MFSD6: variants seen among roughly 807,000 people sequenced by gnomAD.
MFSD6 encodes major facilitator superfamily domain-containing protein 6.
MFSD6 carries 26 observed loss-of-function variants against 56.3 expected under a neutral mutation model. The ratio of observed to expected loss-of-function variants is 0.46; its 90% confidence interval spans 0.34 to 0.64. The LOEUF (loss-of-function observed/expected upper bound fraction) is 0.64, where lower values mean the gene tolerates loss of function less well. Among genes scored for constraint, MFSD6 ranks in the 30% least tolerant of loss-of-function variants. The probability of loss-of-function intolerance (pLI) is 0.01; values close to 1 mark genes in which losing one functional copy is unlikely to be tolerated. For missense variants in MFSD6, 750 were observed against 986.2 expected (o/e 0.76, Z 3.21); for synonymous variants, 331 against 366.9 (o/e 0.90, Z 1.12).
chr2:190,454,845 T>C lies in MFSD6; in HGVS notation c.1533-14913T>C, dbSNP rs770150790. Among the ~76,000 whole-genome samples the C allele has an allele frequency of 6.6e-6, 1 of 152,120 alleles. No individual in the cohort carries two copies. Among genetic ancestry groups the C allele is most frequent in the African/African-American group, 2.4e-5 (1 of 41,402 alleles). On this transcript the variant is annotated intron_variant, in intron 3 of 7. Coordinates refer to ENST00000392328, the MANE Select transcript of MFSD6 (RefSeq NM_017694.4). This position sits in a 1 kb window ranked among gnomAD's most constrained non-coding sequence, Gnocchi z 4.6. ...CAGAAGACACTAGAATAGGGACCTA[T>C]GGCCTAACATAGTGGGATGATGGTA...
rs1371047531 is a variant in MFSD6, at chr2:190,424,342, TA to T, written c.-54+8930del. 1.3e-5 allele frequency among the ~76,000 whole-genome samples: 2 copies of T among 152,234 alleles called. No individual in the cohort carries two copies. The highest frequency in any genetic ancestry group is 1.9e-4 in the East Asian group (1 of 5,184). On this transcript the variant is annotated intron_variant, in intron 2 of 7. Transcript: ENST00000392328. This position sits in a 1 kb window ranked among gnomAD's most constrained non-coding sequence, Gnocchi z 5.9. ...AAGACTTAGTTTGAGGTTATTTATT[TA>T]TTTTTTTTTCAGACAGAGTTTCACT...
chr2:190,412,709 A>G lies in MFSD6; in HGVS notation c.-175-2583A>G, dbSNP rs1690608707. On this transcript the variant is annotated intron_variant, in intron 1 of 7. Transcript: ENST00000392328. The surrounding 1 kb of genome is among the most constrained non-coding windows in gnomAD (Gnocchi z 4.1). ...GTCTGTTCCCATTTACTCTACTGGC[A>G]TTTTGGGGGTGAGAGGGGCTTGTGT... 1 of 790,648 alleles carries G rather than the reference A, an allele frequency of 1.3e-6. No homozygotes were observed. Among genetic ancestry groups the G allele is most frequent in the Admixed American group, 6.2e-5 (1 of 16,016 alleles). The allele number at this position is 790,648 out of a possible 1,614,324, so 49.0% of individuals were successfully genotyped here.
At position 190,436,736 on chromosome 2, in the gene MFSD6, G is replaced by A. The variant is rs200534301; in HGVS notation, c.707G>A (p.Arg236His). ...LQPQTGEITN[R>H]MMDLTLNSST... ...CCCCAGACAGGTGAAATTACTAACC[G>A]TATGATGGACTTGACTTTGAACTCA... The change falls in exon 3 of 8, where the codon CGT (arginine) becomes CAT (histidine). Residue 236 changes from arginine (R) to histidine (H), a missense_variant. Transcript: ENST00000392328. The surrounding 1 kb of genome is among the most constrained non-coding windows in gnomAD (Gnocchi z 5.3). The A allele has an allele frequency of 9.3e-6, 15 of 1,614,046 alleles. No homozygotes were observed. Among genetic ancestry groups the A allele is most frequent in the Middle Eastern group, 1.6e-4 (1 of 6,084 alleles).
rs375798940 is a variant in MFSD6, at chr2:190,492,302, G to A, written c.1891+2436G>A. On this transcript the variant is annotated intron_variant, in intron 6 of 7. Coordinates refer to ENST00000392328, the MANE Select transcript of MFSD6 (RefSeq NM_017694.4). The surrounding 1 kb of genome is among the most constrained non-coding windows in gnomAD (Gnocchi z 5.2). ...AATACAAGAATCCCAAAGAACACCT[G>A]GGAAATTCATTGCAAAGAGATCATT... Among the ~76,000 whole-genome samples, 109 of 152,270 alleles carry A rather than the reference G, an allele frequency of 7.2e-4. No homozygotes were observed. The highest frequency in any genetic ancestry group is 1.8e-3 in the Admixed American group (27 of 15,302).
At position 190,501,507 on chromosome 2, in the gene MFSD6, CTG is replaced by C. The variant is rs1690023760; in HGVS notation, c.*1291_*1292del. The stretch of plus-strand genomic sequence containing the variant: ...TGGGGGGAGTGTGGAAAAGGGAAAA[CTG>C]TTTTAGCTGAATAAAGGTGAATTAT... On this transcript the variant is annotated 3_prime_UTR_variant, in exon 8 of 8. Transcript: ENST00000392328. The C allele has an allele frequency of 6.6e-6, 1 of 152,094 alleles. No homozygotes were observed. Among genetic ancestry groups the C allele is most frequent in the African/African-American group, 2.4e-5 (1 of 41,406 alleles). The allele number at this position is 152,094 out of a possible 1,614,324, so 9.4% of individuals were successfully genotyped here. A position where few individuals can be genotyped will look rare whatever the true frequency, so the allele number is the denominator to read the frequency against.
At chr2:190,452,015 TGA>T (rs1236946326) in intron 3 of MFSD6, among the ~76,000 whole-genome samples, 65 of 152,202 alleles carry the variant, frequency 4.3e-4, no homozygotes, top group Non-Finnish European at 7.1e-4. Flanking sequence ...AGTCATCAGC[TGA>T]TGATTCATGT....
At position 190,490,076 on chromosome 2, in the gene MFSD6, T is replaced by C. The variant is rs1689245846; in HGVS notation, c.1891+210T>C. On this transcript the variant is annotated intron_variant, in intron 6 of 7. Coordinates refer to ENST00000392328, the MANE Select transcript of MFSD6 (RefSeq NM_017694.4). The surrounding 1 kb of genome is among the most constrained non-coding windows in gnomAD (Gnocchi z 4.5). The stretch of plus-strand genomic sequence containing the variant: ...AATATTGTTTTAAGTAGCTTGGGGT[T>C]TTCTTGTTTTTTGTTTGTTTGTTTT... Among the ~76,000 whole-genome samples the C allele has an allele frequency of 6.8e-6, 1 of 146,674 alleles. No homozygotes were observed.
At chr2:190,477,236 G>T in intron 4 of MFSD6, 2 of 981,382 alleles carry the variant, frequency 2.0e-6, no homozygotes, top group Non-Finnish European at 2.4e-6. Context: ...AACAGGAACT[G>T]CAGGTAAGAA....
intron 3 of MFSD6, among the ~76,000 whole-genome samples, chr2:190,466,903 G>T (rs1049377931): frequency 1.4e-4 from 22 of 152,186 alleles, no homozygotes; most frequent in African/African-American, 5.1e-4. Flanking sequence ...TCACTCCAGT[G>T]ACTGAATTCC....
In MFSD6 at chr2:190,411,553, T is replaced by A. The variant is rs1317398931; in HGVS notation, c.-176+3050T>A. 4 of 984,252 alleles carry A rather than the reference T, an allele frequency of 4.1e-6. No homozygotes were observed. In the African/African-American group the frequency reaches 7.0e-5, roughly 17 times the overall value. 61.0% of individuals were successfully genotyped at this position (984,252 alleles called of 1,614,324 possible). On this transcript the variant is annotated intron_variant, in intron 1 of 7. Coordinates refer to ENST00000392328, the MANE Select transcript of MFSD6 (RefSeq NM_017694.4). ...GTTATGTTTGGGCTTAAAATTTTGTTTTTGGAACAAGCATGTGTTCTCTTA... is the reference window on the plus strand; with the variant it reads ...GTTATGTTTGGGCTTAAAATTTTGTATTTGGAACAAGCATGTGTTCTCTTA...
In MFSD6 at chr2:190,496,053, C is replaced by A. The variant is rs984007386; in HGVS notation, c.1892-1386C>A. Among the ~76,000 whole-genome samples, 2 of 151,982 alleles carry A rather than the reference C, an allele frequency of 1.3e-5. No individual in the cohort carries two copies. Among genetic ancestry groups the A allele is most frequent in the African/African-American group, 2.4e-5 (1 of 41,390 alleles). On this transcript the variant is annotated intron_variant, in intron 6 of 7. Transcript: ENST00000392328. The surrounding 1 kb of genome is among the most constrained non-coding windows in gnomAD (Gnocchi z 4.7). Reference sequence around the variant, plus strand: ...AGGAACAGTCAGCAGAGTAAACAGACAACCCACAGAGTGGGAGAAAATCTT... The same window carrying A: ...AGGAACAGTCAGCAGAGTAAACAGAAAACCCACAGAGTGGGAGAAAATCTT...
chr2:190,442,155 A>C (rs1457716670), intron 3 of MFSD6, among the ~76,000 whole-genome samples: 1 of 152,252 alleles, frequency 6.6e-6, no homozygotes, highest in Non-Finnish European at 1.5e-5. Context: ...AAAATGTTTT[A>C]AAAGATGACT....
rs527605124 is a variant in MFSD6, at chr2:190,457,452, C to G, written c.1533-12306C>G. On this transcript the variant is annotated intron_variant, in intron 3 of 7. Transcript: ENST00000392328. The surrounding 1 kb of genome is among the most constrained non-coding windows in gnomAD (Gnocchi z 5.1). ...TCAGACTTTGCGTGTTTTTTGCTGA[C>G]AAGTCAAAAATGTGCACAAAGCCAT... Among the ~76,000 whole-genome samples the G allele has an allele frequency of 1.3e-5, 2 of 152,310 alleles. No individual in the cohort carries two copies. Among genetic ancestry groups the G allele is most frequent in the Admixed American group, 6.5e-5 (1 of 15,296 alleles).
At chr2:190,481,147 C>T (rs998641259) in intron 4 of MFSD6, among the ~76,000 whole-genome samples, 2 of 152,178 alleles carry the variant, frequency 1.3e-5, no homozygotes, top group Non-Finnish European at 2.9e-5. Context: ...ATAATGTTGC[C>T]AAGTCTTAAC....
In MFSD6 at chr2:190,417,546, A is replaced by G. The variant is rs1210063272; in HGVS notation, c.-54+2133A>G. Among the ~76,000 whole-genome samples the G allele has an allele frequency of 6.6e-6, 1 of 152,116 alleles. No individual in the cohort carries two copies. The highest frequency in any genetic ancestry group is 6.5e-5 in the Admixed American group (1 of 15,272). ...ACCTACTAGTGGGTGCTCGATCTATAGCTGTAGGGTTTTTTTGGTTGTTCA... is the reference window on the plus strand; with the variant it reads ...ACCTACTAGTGGGTGCTCGATCTATGGCTGTAGGGTTTTTTTGGTTGTTCA... On this transcript the variant is annotated intron_variant, in intron 2 of 7. Coordinates refer to ENST00000392328, the MANE Select transcript of MFSD6 (RefSeq NM_017694.4). The surrounding 1 kb of genome is among the most constrained non-coding windows in gnomAD (Gnocchi z 5.7).
At chr2:190,478,899 A>T (rs1006568213) in intron 4 of MFSD6, among the ~76,000 whole-genome samples, 1 of 151,932 alleles carries the variant, frequency 6.6e-6, no homozygotes, top group Non-Finnish European at 1.5e-5. Flanking sequence ...CCAAAACACC[A>T]CGAGAACTAG....
At chr2:190,411,503 A>G in intron 1 of MFSD6, 3 of 985,404 alleles carry the variant, frequency 3.0e-6, no homozygotes, top group Non-Finnish European at 3.6e-6. Context: ...AGAAAAGAGG[A>G]TGTTTTTGCT....
intron 1 of MFSD6, chr2:190,411,160 AGTTT>A (rs1690546898): frequency 1.9e-6 from 1 of 518,284 alleles, no homozygotes; most frequent in African/African-American, 3.0e-5. Flanking sequence ...TGTTGACAGT[AGTTT>A]TTTTTTTTTT....
Position 190,489,084 on chromosome 2 carries a change from A to G in MFSD6, c.1792+266A>G, listed in dbSNP as rs1468615082. ...CTACAGAGATCCCTCAAAGGAGCCAAACAAATGAATTAGCATGAGTGCTTT... is the reference window on the plus strand; with the variant it reads ...CTACAGAGATCCCTCAAAGGAGCCAGACAAATGAATTAGCATGAGTGCTTT... On this transcript the variant is annotated intron_variant, in intron 5 of 7. Transcript: ENST00000392328. The surrounding 1 kb of genome is among the most constrained non-coding windows in gnomAD (Gnocchi z 6.6). Among the ~76,000 whole-genome samples the G allele has an allele frequency of 6.6e-6, 1 of 152,214 alleles. No homozygotes were observed. Among genetic ancestry groups the G allele is most frequent in the Non-Finnish European group, 1.5e-5 (1 of 68,026 alleles).
Sources: gnomAD v4.1 joint callset for allele counts (sites outside exome capture counted in the v4.1 genomes callset) on GRCh38, gnomAD v4.1.1 for gene constraint, Gnocchi (gnomAD v3.1) non-coding constraint, MANE v1.5 for transcripts, NCBI Gene and HGNC (gene_info 2026-07-23, HGNC 2026-07-21) for gene names.